PDS5B: variants seen among roughly 807,000 people sequenced by gnomAD.
PDS5B encodes PDS5 cohesin associated factor B.
PDS5B carries 51 observed loss-of-function variants against 184.1 expected under a neutral mutation model. That is an observed-to-expected ratio of 0.28 (90% CI 0.22 to 0.35). The LOEUF (loss-of-function observed/expected upper bound fraction) is 0.35, where lower values mean the gene tolerates loss of function less well. PDS5B is among the 10% of genes least tolerant of loss of function. The pLI is 1.00. For missense variants in PDS5B, 1,180 were observed against 1,723.3 expected, an observed-to-expected ratio of 0.68 and a Z score of 5.58; for synonymous variants, 566 against 569.2, an observed-to-expected ratio of 0.99 and a Z score of 0.08.
intron 1 of PDS5B, among the ~76,000 whole-genome samples, chr13:32,642,374 CAA>C (rs1408340609): frequency 6.6e-6 from 1 of 151,976 alleles, no homozygotes; most frequent in East Asian, 1.9e-4. Context: ...GTGGGAGAGA[CAA>C]AGATAGAAAT....
At chr13:32,652,326 T>G (rs924649350) in intron 3 of PDS5B, 22 of 225,714 alleles carry the variant, frequency 9.7e-5, no homozygotes, top group African/African-American at 3.7e-4. Context: ...ATGGCCATTA[T>G]TTAAAACATA....
intron 18 of PDS5B, among the ~76,000 whole-genome samples, chr13:32,709,739 A>G (rs1952142633): frequency 6.6e-6 from 1 of 152,166 alleles, no homozygotes; most frequent in South Asian, 2.1e-4. Context: ...AAATTACTTC[A>G]TTATATCATA....
At chr13:32,667,918 A>T in intron 7 of PDS5B, 74 bp downstream of exon 7, 1 of 734,002 alleles carries the variant, frequency 1.4e-6, no homozygotes, top group Non-Finnish European at 2.2e-6. Flanking sequence ...GCAAAATTTC[A>T]TCAGATAGTA....
intron 24 of PDS5B, among the ~76,000 whole-genome samples, chr13:32,748,743 A>G (rs879499669): frequency 5.9e-5 from 9 of 151,938 alleles, no homozygotes; most frequent in Admixed American, 5.2e-4. Context: ...TAGTTCACAG[A>G]TCTATTCTTT....
At chr13:32,716,731 C>T (rs1474431795) in intron 19 of PDS5B, among the ~76,000 whole-genome samples, 4 of 134,868 alleles carry the variant, frequency 3.0e-5, no homozygotes, top group African/African-American at 5.5e-5. Context: ...TTTGCCCAGC[C>T]GCCCCTACTG....
At chr13:32,651,663 T>C (rs1401058595) in intron 2 of PDS5B, 141 bp from the exon 3 acceptor site, 5 of 558,820 alleles carry the variant, frequency 8.9e-6, no homozygotes, top group Non-Finnish European at 1.6e-5. Context: ...GAGAATTGTG[T>C]TCTCTCAAAT....
chr13:32,651,875 T>G lies in PDS5B; in HGVS notation c.180T>G (p.Ala60=). 1 of 1,613,472 alleles carries G rather than the reference T, an allele frequency of 6.2e-7. No homozygotes were observed. The highest frequency in any genetic ancestry group is 1.7e-5 in the Admixed American group (1 of 60,028). The change falls in exon 3 of 35, where the codon GCT becomes GCG. Residue 60 remains alanine (A), a synonymous_variant. Transcript: ENST00000315596. ...AAAAGGAGCTTTATTTAAACCTAGCTTTACATCTTGCTTCAGATTTTTTTC... is the reference window on the plus strand; with the variant it reads ...AAAAGGAGCTTTATTTAAACCTAGCGTTACATCTTGCTTCAGATTTTTTTC... ...EEEKELYLNL[A]LHLASDFFLK...
chr13:32,686,666 TC>T (rs1340018211), intron 11 of PDS5B, among the ~76,000 whole-genome samples: 2 of 152,210 alleles, frequency 1.3e-5, no homozygotes, highest in Admixed American at 1.3e-4. Context: ...ATGCCTGTAG[TC>T]CCAGCTACTC....
intron 31 of PDS5B, among the ~76,000 whole-genome samples, chr13:32,768,902 C>A (rs1328447514): frequency 1.4e-5 from 2 of 144,240 alleles, no homozygotes; most frequent in African/African-American, 2.6e-5. Context: ...GAGATTGAGA[C>A]CATCCTGGCT....
intron 8 of PDS5B, among the ~76,000 whole-genome samples, chr13:32,675,274 T>G (rs1951035422): frequency 6.6e-6 from 1 of 152,306 alleles, no homozygotes; most frequent in South Asian, 2.1e-4. Flanking sequence ...GTTCACATCC[T>G]TAGGGTGCCC....
intron 9 of PDS5B, among the ~76,000 whole-genome samples, chr13:32,677,958 A>G (rs1036934232): frequency 1.3e-5 from 2 of 152,090 alleles, no homozygotes; most frequent in East Asian, 1.9e-4. Flanking sequence ...GCTAAACATC[A>G]TGTGCTTCCT....
chr13:32,730,445 A>G (rs1168281324), intron 19 of PDS5B, among the ~76,000 whole-genome samples: 1 of 152,156 alleles, frequency 6.6e-6, no homozygotes, highest in African/African-American at 2.4e-5. Context: ...TTTTGGTTCC[A>G]TATGAAATTT....
At chr13:32,752,879 C>T (rs780497348) in intron 24 of PDS5B, among the ~76,000 whole-genome samples, 21 of 152,182 alleles carry the variant, frequency 1.4e-4, no homozygotes, top group Middle Eastern at 3.4e-3. Flanking sequence ...CTTAGCCTCC[C>T]GAGTAGTTGG....
At chr13:32,748,575 A>G (rs762294445) in intron 24 of PDS5B, among the ~76,000 whole-genome samples, 1 of 151,496 alleles carries the variant, frequency 6.6e-6, no homozygotes, top group Non-Finnish European at 1.5e-5. Context: ...TGACTATTAC[A>G]TCAGCAACGT....
Position 32,727,489 on chromosome 13 carries a change from CTTTATAGTGAAT to C in PDS5B, c.2124-4596_2124-4585del, listed in dbSNP as rs547429389. 2.3e-3 allele frequency among the ~76,000 whole-genome samples: 344 copies of C among 151,950 alleles called. 1 individual carries two copies. Among genetic ancestry groups the C allele is most frequent in the Non-Finnish European group, 3.2e-3 (216 of 67,914 alleles). ...TTAATATTTCTTGATGTATAGTTCTCTTTATAGTGAATTTTATAGTGAATTTTTTGGTCTGAA... is the reference window on the plus strand; with the variant it reads ...TTAATATTTCTTGATGTATAGTTCTCTTTATAGTGAATTTTTTGGTCTGAA... On this transcript the variant is annotated intron_variant, in intron 19 of 34. Transcript: ENST00000315596.
intron 1 of PDS5B, among the ~76,000 whole-genome samples, chr13:32,591,210 C>T (rs1357081244): frequency 6.6e-6 from 1 of 152,024 alleles, no homozygotes; most frequent in Non-Finnish European, 1.5e-5. Context: ...CTCACCACAA[C>T]CTCCACCTCC....
In PDS5B at chr13:32,698,236, T is replaced by C. The variant is rs561405778; in HGVS notation, c.1600+1334T>C. Among the ~76,000 whole-genome samples, 7 of 152,268 alleles carry C rather than the reference T, an allele frequency of 4.6e-5. No homozygotes were observed. In the South Asian group the frequency reaches 1.2e-3, roughly 27 times the overall value. On this transcript the variant is annotated intron_variant, in intron 15 of 34. Transcript: ENST00000315596. ...TATCCCTTCTTTTCCCTACCCCCTT[T>C]TGCTTTTTTTTTCTGAAATAATAGG... is the stretch of plus-strand genomic sequence containing the variant.
At chr13:32,743,438 A>G (rs1420410250) in intron 23 of PDS5B, among the ~76,000 whole-genome samples, 2 of 152,186 alleles carry the variant, frequency 1.3e-5, no homozygotes, top group Non-Finnish European at 2.9e-5. Flanking sequence ...AATTAGAAGC[A>G]TTGATGATAA....
chr13:32,684,365 T>C (rs4942804), intron 11 of PDS5B, among the ~76,000 whole-genome samples: 68,855 of 152,024 alleles, frequency 0.45, 16,175 homozygotes, highest in African/African-American at 0.55. Flanking sequence ...TTTTCTTTCT[T>C]CTTTCAGGGC....
Sources: gnomAD v4.1 joint callset for allele counts (sites outside exome capture counted in the v4.1 genomes callset) on GRCh38, gnomAD v4.1.1 for gene constraint, MANE v1.5 for transcripts, NCBI Gene and HGNC (gene_info 2026-07-23, HGNC 2026-07-21) for gene names.